The following CDH4 variants were observed in gnomAD, a reference collection of about 807,000 sequenced individuals.
CDH4 encodes cadherin-4.
Under a neutral mutation model 86.0 loss-of-function variants are expected in CDH4, and 33 were observed. The ratio of observed to expected loss-of-function variants is 0.38; its 90% CI spans 0.29 to 0.51. The LOEUF is 0.51. CDH4 is among the 20% of genes least tolerant of loss of function. CDH4 has a pLI of 0.86. For missense variants in CDH4, 1,114 were observed against 1,307.4 expected (o/e 0.85, Z 2.28); for synonymous variants, 555 against 549.4 (o/e 1.01, Z -0.14).
At position 61,676,426 on chromosome 20, in the gene CDH4, G is replaced by C. The variant is rs1452138132; in HGVS notation, c.170-67137G>C. ...TTTACCTGAAAAAGAAGGTGGATGG[G>C]GGAGGGATGGTGTGAACAATGGAGG... On this transcript the variant is annotated intron_variant, in intron 2 of 15. Coordinates refer to ENST00000614565, the MANE Select transcript of CDH4 (RefSeq NM_001794.5). This position sits in a 1 kb window ranked among gnomAD's most constrained non-coding sequence, Gnocchi z 4.5. Among the ~76,000 whole-genome samples the C allele has an allele frequency of 6.6e-6, 1 of 152,184 alleles. No homozygotes were observed. The highest frequency in any genetic ancestry group is 1.5e-5 in the Non-Finnish European group (1 of 68,036).
intron 4 of CDH4, among the ~76,000 whole-genome samples, chr20:61,835,112 C>G (rs73307839): frequency 0.02 from 3,059 of 152,336 alleles, 94 homozygotes; most frequent in African/African-American, 0.066. Context: ...GATGTGGGCT[C>G]ACTGTGCTGC....
chr20:61,463,997 C>CA (rs1391845703), intron 2 of CDH4, among the ~76,000 whole-genome samples: 13 of 152,244 alleles, frequency 8.5e-5, no homozygotes, highest in Admixed American at 7.2e-4. Flanking sequence ...ACCTCTCTTA[C>CA]AGTAGCTCCT....
chr20:61,551,156 G>A (rs1164721258), intron 2 of CDH4, among the ~76,000 whole-genome samples: 1 of 152,216 alleles, frequency 6.6e-6, no homozygotes, highest in Non-Finnish European at 1.5e-5. Flanking sequence ...ATTTGCACAT[G>A]GCATGTCATG....
chr20:61,933,492 G>A (rs973815703), intron 14 of CDH4, among the ~76,000 whole-genome samples: 2 of 152,202 alleles, frequency 1.3e-5, no homozygotes, highest in Non-Finnish European at 2.9e-5. Flanking sequence ...TGCACCAGGC[G>A]CCCGGGAGGG....
At chr20:61,692,131 GTGTC>G (rs200740967) in intron 2 of CDH4, among the ~76,000 whole-genome samples, 4,133 of 150,916 alleles carry the variant, frequency 0.027, 73 homozygotes, top group Non-Finnish European at 0.037. Flanking sequence ...GTGTCTGTGT[GTGTC>G]TGTATGTATG....
chr20:61,750,256 T>C (rs983949850), intron 3 of CDH4, among the ~76,000 whole-genome samples: 1 of 152,132 alleles, frequency 6.6e-6, no homozygotes, highest in Non-Finnish European at 1.5e-5. Flanking sequence ...AGAAAAGGTA[T>C]AAACTGCAAC....
intron 2 of CDH4, among the ~76,000 whole-genome samples, chr20:61,539,082 T>C (rs1301115342): frequency 2.0e-5 from 3 of 151,916 alleles, no homozygotes; most frequent in Non-Finnish European, 4.4e-5. Flanking sequence ...GCGGGTCAGG[T>C]GGAGGGGGAA....
chr20:61,455,302 T>C (rs1462885078), intron 2 of CDH4, among the ~76,000 whole-genome samples: 1 of 152,224 alleles, frequency 6.6e-6, no homozygotes, highest in African/African-American at 2.4e-5. Flanking sequence ...GTCTATGGCT[T>C]GTCCATGAAA....
chr20:61,394,776 A>G lies in CDH4; in HGVS notation c.169+139839A>G, dbSNP rs183889602. On this transcript the variant is annotated intron_variant, in intron 2 of 15. Transcript: ENST00000614565. ...TTTAGGTGAAATTATTTAATTTTTA[A>G]ATGTTGGAAACTTCGTACTTTCAAA... is the stretch of plus-strand genomic sequence containing the variant. 2.5e-3 allele frequency among the ~76,000 whole-genome samples: 382 copies of G among 150,656 alleles called. 3 individuals carry two copies. Among genetic ancestry groups the G allele is most frequent in the African/African-American group, 8.8e-3 (361 of 41,098 alleles).
chr20:61,592,903 G>A (rs113816244), intron 2 of CDH4, among the ~76,000 whole-genome samples: 70 of 152,340 alleles, frequency 4.6e-4, no homozygotes, highest in Non-Finnish European at 7.8e-4. Context: ...GGCATGTGAT[G>A]TGGCAAAGGG....
At chr20:61,333,642 C>T (rs1035663884) in intron 2 of CDH4, among the ~76,000 whole-genome samples, 16 of 152,242 alleles carry the variant, frequency 1.1e-4, no homozygotes, top group African/African-American at 3.1e-4. Flanking sequence ...GCCCTTACCC[C>T]GGGCCACACG....
intron 2 of CDH4, among the ~76,000 whole-genome samples, chr20:61,502,867 C>A (rs2085714503): frequency 6.6e-6 from 1 of 152,158 alleles, no homozygotes; most frequent in Admixed American, 6.5e-5. Flanking sequence ...CTTAACATTT[C>A]TGGAGAAGAC....
At chr20:61,550,939 G>C (rs2145673228) in intron 2 of CDH4, among the ~76,000 whole-genome samples, 1 of 152,352 alleles carries the variant, frequency 6.6e-6, no homozygotes, top group South Asian at 2.1e-4. Flanking sequence ...TGCAGCTGAT[G>C]GGGAGAGTGG....
intron 4 of CDH4, among the ~76,000 whole-genome samples, chr20:61,783,221 G>C (rs772550222): frequency 2.0e-5 from 3 of 152,210 alleles, no homozygotes; most frequent in Non-Finnish European, 2.9e-5. Context: ...GATTCTGAAG[G>C]CTTCTTCCAA....
intron 2 of CDH4, among the ~76,000 whole-genome samples, chr20:61,350,173 G>A (rs1336583528): frequency 5.1e-5 from 1 of 19,464 alleles, no homozygotes; most frequent in African/African-American, 6.0e-4. Flanking sequence ...CCCACCCAGC[G>A]TCAGGCAGAC....
intron 2 of CDH4, among the ~76,000 whole-genome samples, chr20:61,304,135 A>G (rs968462860): frequency 2.0e-5 from 3 of 152,160 alleles, no homozygotes; most frequent in African/African-American, 7.2e-5. Context: ...CCTCAGCTGC[A>G]GATCAGGAAA....
intron 2 of CDH4, among the ~76,000 whole-genome samples, chr20:61,503,103 T>C (rs1267509385): frequency 1.3e-5 from 2 of 152,214 alleles, no homozygotes; most frequent in African/African-American, 4.8e-5. Context: ...AAGACCTTGA[T>C]GAGGACTGGG....
intron 2 of CDH4, among the ~76,000 whole-genome samples, chr20:61,595,808 G>C (rs970988412): frequency 3.3e-5 from 5 of 152,208 alleles, no homozygotes; most frequent in African/African-American, 1.2e-4. Flanking sequence ...ACGTGGGTGG[G>C]AAAGATGAAC....
At chr20:61,650,553 C>G (rs2087110171) in intron 2 of CDH4, among the ~76,000 whole-genome samples, 1 of 152,174 alleles carries the variant, frequency 6.6e-6, no homozygotes, top group Non-Finnish European at 1.5e-5. Context: ...AACATTTCTT[C>G]CCTCTTACTA....
Sources: gnomAD v4.1 joint callset for allele counts (sites outside exome capture counted in the v4.1 genomes callset) on GRCh38, gnomAD v4.1.1 for gene constraint, Gnocchi (gnomAD v3.1) non-coding constraint, MANE v1.5 for transcripts, NCBI Gene and HGNC (gene_info 2026-07-23, HGNC 2026-07-21) for gene names.